The following TRIM65 variants were observed in gnomAD, a reference collection of about 807,000 sequenced individuals.
TRIM65 encodes the protein tripartite motif containing 65, also known as E3 ubiquitin-protein ligase TRIM65.
TRIM65 carries 46 observed loss-of-function variants against 36.1 expected under a neutral mutation model. The ratio of observed to expected loss-of-function variants is 1.27; its 90% CI spans 1.01 to 1.63. The LOEUF is 1.63. TRIM65 is among the 40% of genes most tolerant of loss of function. The pLI is 0.00. For missense variants in TRIM65, 708 were observed against 696.6 expected (o/e 1.02, Z -0.18); for synonymous variants, 346 against 313.6 (o/e 1.10, Z -1.09).
chr17:75,892,556 G>A, intron 2 of TRIM65, 56 bp from the exon 3 acceptor site: 1 of 1,514,612 alleles, frequency 6.6e-7, no homozygotes, highest in East Asian at 2.3e-5. Flanking sequence ...CATACCAAGG[G>A]AGGCTAGGGC....
At chr17:75,882,869 T>TG (rs1387769369) in intron 4 of TRIM65, among the ~76,000 whole-genome samples, 1 of 149,816 alleles carries the variant, frequency 6.7e-6, no homozygotes, top group Admixed American at 6.6e-5. Context: ...AACAAGTGGC[T>TG]GGGTGTGGTG....
At position 75,890,870 on chromosome 17, in the gene TRIM65, A is replaced by ACG. The variant is rs1227551160; in HGVS notation, c.1461_1462dup (p.Val488AlafsTer11). On this transcript the variant is annotated frameshift_variant, in exon 6 of 6. Coordinates refer to ENST00000269383, the MANE Select transcript of TRIM65 (RefSeq NM_173547.4). LOFTEE classifies it high-confidence loss of function. ...GGTCCTACCCTCGAGGAGCCAGAAG[A>ACG]CGGGGGTGAGGGGCTGGTTGAAGAG... 1.6e-5 allele frequency: 25 copies of ACG among 1,528,302 alleles called. No individual in the cohort carries two copies. Among genetic ancestry groups the ACG allele is most frequent in the Admixed American group, 7.3e-5 (3 of 41,038 alleles). The allele number at this position is 1,528,302 out of a possible 1,614,324, so 94.7% of individuals were successfully genotyped here.
chr17:75,895,721 T>A (rs2065336583), intron 1 of TRIM65, among the ~76,000 whole-genome samples: 1 of 152,224 alleles, frequency 6.6e-6, no homozygotes, highest in Non-Finnish European at 1.5e-5. Flanking sequence ...CCATGTGCTT[T>A]CCTCACTGCA....
downstream of TRIM65, among the ~76,000 whole-genome samples, chr17:75,887,882 G>A (rs1446743305): frequency 2.6e-5 from 4 of 151,934 alleles, no homozygotes; most frequent in Admixed American, 1.3e-4. Flanking sequence ...TACGCCGGGC[G>A]TGGTGGCTCA....
intron 1 of TRIM65, among the ~76,000 whole-genome samples, chr17:75,896,184 T>G (rs781087639): frequency 1.3e-4 from 20 of 152,064 alleles, no homozygotes; most frequent in Non-Finnish European, 2.6e-4. Context: ...GCCTCCCGAG[T>G]AGATGGGACT....
At chr17:75,883,998 C>G (rs1017205224), downstream of TRIM65, among the ~76,000 whole-genome samples, 2 of 151,972 alleles carry the variant, frequency 1.3e-5, no homozygotes, top group African/African-American at 4.8e-5. Context: ...ATTAGCCAGG[C>G]ATGGTAGTGC....
chr17:75,894,397 T>C (rs555354089), intron 1 of TRIM65, among the ~76,000 whole-genome samples: 27 of 152,354 alleles, frequency 1.8e-4, no homozygotes, highest in Non-Finnish European at 4.4e-5. Flanking sequence ...GAAGGTCATT[T>C]CTGTCCTCGT....
chr17:75,892,395 T>A lies in TRIM65; in HGVS notation c.616A>T (p.Lys206Ter). ...CGAGCCTGTGCCAGCGCCTGCGTCT[T>A]GGCCACCTCGATGCTCCTCAGTGCT... Reference protein sequence around the residue: ...TTALRSIEVAKTQALAQARDE... With the variant: ...TTALRSIEVA Residue 206 changes from lysine (K) to a stop codon, truncating the protein, a stop_gained, in exon 3 of 6, where the codon AAG becomes TAG. Transcript: ENST00000269383. LOFTEE classifies it high-confidence loss of function. 6.2e-7 allele frequency: 1 copy of A among 1,614,026 alleles called. No individual in the cohort carries two copies. The highest frequency in any genetic ancestry group is 8.5e-7 in the Non-Finnish European group (1 of 1,179,994).
rs1471299582 is a variant in TRIM65 at position 75,890,770 on chromosome 17, A to G, written c.*9T>C. ...GGCAGCTATGCCAGGGCTCCATCCC[A>G]TGCCTTCTTCAGCTGAGCACCTCTT... On this transcript the variant is annotated 3_prime_UTR_variant, in exon 6 of 6. Coordinates refer to ENST00000269383, the MANE Select transcript of TRIM65 (RefSeq NM_173547.4). 3.4e-6 allele frequency: 5 copies of G among 1,459,124 alleles called. No individual in the cohort carries two copies. The Admixed American group carries it at 8.7e-5, about 25-fold the overall frequency. 90.4% of individuals were successfully genotyped at this position (1,459,124 alleles called of 1,614,324 possible). A position where few individuals can be genotyped will look rare whatever the true frequency, so the allele number is the denominator to read the frequency against.
At chr17:75,881,754 G>A (rs1330966654) in intron 4 of TRIM65, among the ~76,000 whole-genome samples, 2 of 150,710 alleles carry the variant, frequency 1.3e-5, no homozygotes, top group Non-Finnish European at 2.9e-5. Context: ...AACTGTGGAA[G>A]TGGCATTTGA....
Position 75,896,857 on chromosome 17 carries a change from G to A in TRIM65, c.81C>T (p.Cys27=), listed in dbSNP as rs751355836. 3.3e-6 allele frequency: 5 copies of A among 1,530,770 alleles called. No homozygotes were observed. The highest frequency in any genetic ancestry group is 2.5e-5 in the East Asian group (1 of 39,290). The allele number at this position is 1,530,770 out of a possible 1,614,324, so 94.8% of individuals were successfully genotyped here. Reference sequence around the variant, plus strand: ...TGCAGGCCCCGCAGAAGTTGTGGCCGCAGGGCAGCGTCACTGGGTCCTGGT... The same window carrying A: ...TGCAGGCCCCGCAGAAGTTGTGGCCACAGGGCAGCGTCACTGGGTCCTGGT... ...GLYQDPVTLP[C]GHNFCGACIR... is the part of the protein sequence containing the mutation. The change falls in exon 1 of 6, where the codon TGC becomes TGT. Residue 27 remains cysteine (C), a synonymous_variant. Transcript: ENST00000269383.
intron 4 of TRIM65, among the ~76,000 whole-genome samples, chr17:75,883,734 A>G (rs1467874415): frequency 1.3e-5 from 2 of 151,448 alleles, no homozygotes; most frequent in Non-Finnish European, 2.9e-5. Context: ...TCACCGTGTT[A>G]GCCAGCATGG....
At chr17:75,888,139 G>A (rs2065223178), downstream of TRIM65, among the ~76,000 whole-genome samples, 1 of 151,440 alleles carries the variant, frequency 6.6e-6, no homozygotes, top group Non-Finnish European at 1.5e-5. Flanking sequence ...CTGGGCAACA[G>A]AGTGAGACTC....
chr17:75,886,319 G>A (rs1485321124), downstream of TRIM65, among the ~76,000 whole-genome samples: 1 of 151,896 alleles, frequency 6.6e-6, no homozygotes, highest in African/African-American at 2.4e-5. Context: ...TCAGGAGATC[G>A]AGACCATCCT....
At chr17:75,882,063 T>C (rs1405555984) in intron 4 of TRIM65, among the ~76,000 whole-genome samples, 3 of 150,464 alleles carry the variant, frequency 2.0e-5, no homozygotes, top group Non-Finnish European at 4.4e-5. Context: ...TGCCTGGTTC[T>C]GGAAGGAGGG....
At chr17:75,891,969 C>A (rs2144064079) in intron 4 of TRIM65, 42 bp downstream of exon 4, 10 of 1,555,852 alleles carry the variant, frequency 6.4e-6, no homozygotes, top group Non-Finnish European at 8.7e-6. Context: ...GGAGGGGCAG[C>A]TGGACCCAGG....
At chr17:75,894,151 C>T (rs1045715017) in intron 1 of TRIM65, among the ~76,000 whole-genome samples, 3 of 152,136 alleles carry the variant, frequency 2.0e-5, no homozygotes, top group African/African-American at 7.2e-5. Context: ...GTTCCAGCCA[C>T]CTCTGTCTCA....
downstream of TRIM65, among the ~76,000 whole-genome samples, chr17:75,888,112 AG>A (rs2065222925): frequency 6.6e-6 from 1 of 151,160 alleles, no homozygotes; most frequent in African/African-American, 2.4e-5. Context: ...GCCGAGATTG[AG>A]CCACTGCACT....
intron 4 of TRIM65, among the ~76,000 whole-genome samples, chr17:75,883,058 CT>C (rs2143999561): frequency 6.8e-6 from 1 of 147,442 alleles, no homozygotes. Context: ...TCTTCTGTCT[CT>C]GAAAATTATT....
Sources: gnomAD v4.1 joint callset for allele counts (sites outside exome capture counted in the v4.1 genomes callset) on GRCh38, gnomAD v4.1.1 for gene constraint, MANE v1.5 for transcripts, NCBI Gene and HGNC (gene_info 2026-07-23, HGNC 2026-07-21) for gene names.